WEE2: variants seen among roughly 807,000 people sequenced by gnomAD.
WEE2 encodes the protein wee1-like protein kinase 2.
In WEE2, 50 loss-of-function variants were observed where a neutral mutation model predicts 60.1. That is an observed-to-expected ratio of 0.83 (90% CI 0.66 to 1.05). WEE2 has a LOEUF of 1.05. Among genes scored for constraint, WEE2 ranks in the 50% least tolerant of loss-of-function variants. The pLI, the probability that WEE2 is intolerant of heterozygous loss-of-function variation, is 0.00. For synonymous variants in WEE2, 240 were observed against 241.0 expected, an observed-to-expected ratio of 1.00 and a Z score of 0.04; for missense variants, 631 against 684.3, an observed-to-expected ratio of 0.92 and a Z score of 0.87.
At chr7:141,716,392 C>T in intron 3 of WEE2, 125 bp downstream of exon 3, 1 of 862,256 alleles carries the variant, frequency 1.2e-6, no homozygotes, top group Non-Finnish European at 1.8e-6. Context: ...CCCTTTTCTC[C>T]TTCCTCACCC....
intron 5 of WEE2, among the ~76,000 whole-genome samples, chr7:141,722,933 G>A (rs879635402): frequency 3.3e-5 from 5 of 152,198 alleles, no homozygotes; most frequent in Admixed American, 6.5e-5. Flanking sequence ...TAATCTATTC[G>A]TTGGACTGAA....
Position 141,714,420 on chromosome 7 carries a change from A to ACAAAAGT in WEE2, c.539+16_539+17insAAAAGTC. The ACAAAAGT allele has an allele frequency of 6.3e-7, 1 of 1,588,812 alleles. No individual in the cohort carries two copies. The highest frequency in any genetic ancestry group is 1.4e-5 in the African/African-American group (1 of 73,882). On this transcript the variant is annotated intron_variant, in intron 2 of 11. Coordinates refer to ENST00000397541, the MANE Select transcript of WEE2 (RefSeq NM_001105558.1). ...AGAGGAGATCTGTAAGTGCTCTATT[A>ACAAAAGT]CTTATGACTTTTGAGAACTGACCCT...
intron 3 of WEE2, among the ~76,000 whole-genome samples, 169 bp downstream of exon 3, chr7:141,716,436 C>G (rs1229076367): frequency 6.7e-6 from 1 of 150,010 alleles, no homozygotes; most frequent in Non-Finnish European, 1.5e-5. Context: ...ACCCTCCCTC[C>G]CCTTCTTCTA....
chr7:141,709,130 C>A, intron 1 of WEE2, 30 bp downstream of exon 1: 1 of 1,587,132 alleles, frequency 6.3e-7, no homozygotes, highest in South Asian at 1.1e-5. Flanking sequence ...AAAAGGGACG[C>A]AGGTCGCCAA....
chr7:141,709,045 C>T lies in WEE2; in HGVS notation c.287C>T (p.Ala96Val), dbSNP rs780538178. 6.2e-7 allele frequency: 1 copy of T among 1,614,114 alleles called. No homozygotes were observed. Among genetic ancestry groups the T allele is most frequent in the Non-Finnish European group, 8.5e-7 (1 of 1,180,022 alleles). Residue 96 changes from alanine (A) to valine (V), a missense_variant, in exon 1 of 12, where the codon GCC becomes GTC. Physicochemically the swap from Ala to Val is moderately conservative, Grantham distance 64. Transcript: ENST00000397541. ...SHPLKCPETP[A>V]QPDSRSKLLP... ...CCTCTCAAATGTCCTGAGACACCAG[C>T]CCAACCAGACAGCAGGAGCAAGCTG...
chr7:141,729,564 C>T lies in WEE2; in HGVS notation c.1569C>T (p.Pro523=). 1 of 1,614,188 alleles carries T rather than the reference C, an allele frequency of 6.2e-7. No homozygotes were observed. The highest frequency in any genetic ancestry group is 8.5e-7 in the Non-Finnish European group (1 of 1,180,036). Residue 523 remains proline (P), a synonymous_variant, in exon 11 of 12, where the codon CCC becomes CCT. Coordinates refer to ENST00000397541, the MANE Select transcript of WEE2 (RefSeq NM_001105558.1). ...GAGAAGCCCAGCAGGCCCAGTCACC[C>T]CAGGGATATACCCATCATGGTGACA... ...ELREAQQAQS[P]QGYTHHGDTG... is the part of the protein sequence containing the mutation.
intron 1 of WEE2, among the ~76,000 whole-genome samples, chr7:141,712,683 A>T (rs113961215): frequency 0.011 from 1,658 of 152,252 alleles, 42 homozygotes; most frequent in African/African-American, 0.037. Context: ...GTCTTCCCTG[A>T]TATGAATAAT....
intron 6 of WEE2, among the ~76,000 whole-genome samples, chr7:141,723,611 G>C (rs745348284): frequency 7.2e-5 from 11 of 152,112 alleles, no homozygotes; most frequent in Non-Finnish European, 1.2e-4. Context: ...ACTCTGCACT[G>C]ATTAAAGAGA....
In WEE2 at chr7:141,714,364, A is replaced by G. The variant is rs1798761211; in HGVS notation, c.498A>G (p.Leu166=). ...TCACTCCAGAGTCCTATAAAAAATT[A>G]TTTCTTCAATCTGGTGGCAAGAGGA... is the stretch of plus-strand genomic sequence containing the variant. ...NPFTPESYKK[L]FLQSGGKRKI... is the part of the protein sequence containing the mutation. Residue 166 remains leucine (L), a synonymous_variant, in exon 2 of 12, where the codon TTA becomes TTG. Transcript: ENST00000397541. 1 of 1,611,998 alleles carries G rather than the reference A, an allele frequency of 6.2e-7. No homozygotes were observed. The highest frequency in any genetic ancestry group is 1.1e-5 in the South Asian group (1 of 90,604).
Position 141,730,339 on chromosome 7 carries a change from G to GC in WEE2, c.*22dup, listed in dbSNP as rs778518069. On this transcript the variant is annotated 3_prime_UTR_variant, in exon 12 of 12. Coordinates refer to ENST00000397541, the MANE Select transcript of WEE2 (RefSeq NM_001105558.1). ...GCATTAAAGGAAGAAAAGGAAAACA[G>GC]CCCTTGGTTTGGCCTATGGATTACG... 6.2e-7 allele frequency: 1 copy of GC among 1,612,308 alleles called. No individual in the cohort carries two copies. The highest frequency in any genetic ancestry group is 1.3e-5 in the African/African-American group (1 of 74,870).
Position 141,711,339 on chromosome 7 carries a change from T to A in WEE2, c.342+2239T>A, listed in dbSNP as rs962347107. 9.2e-5 allele frequency among the ~76,000 whole-genome samples: 14 copies of A among 152,128 alleles called. No homozygotes were observed. Among genetic ancestry groups the A allele is most frequent in the Admixed American group, 7.9e-4 (12 of 15,280 alleles). On this transcript the variant is annotated intron_variant, in intron 1 of 11. Transcript: ENST00000397541. The surrounding 1 kb of genome is among the most constrained non-coding windows in gnomAD (Gnocchi z 4.2). ...CAGTTAGAAATCTTGGATAATGCAT[T>A]TAAGGGAGAGGCAGAGAACAGGGCT...
At chr7:141,723,707 C>T (rs1412198153) in intron 6 of WEE2, among the ~76,000 whole-genome samples, 1 of 151,866 alleles carries the variant, frequency 6.6e-6, no homozygotes, top group Non-Finnish European at 1.5e-5. Context: ...ACTCTGATAC[C>T]AGTCCCATCA....
chr7:141,708,806 T>C lies in WEE2; in HGVS notation c.48T>C (p.Phe16=), dbSNP rs751662277. 6.8e-6 allele frequency: 11 copies of C among 1,614,130 alleles called. No individual in the cohort carries two copies. In the South Asian group the frequency reaches 1.2e-4, roughly 18 times the overall value. ...AAGAACTAAGGCAGAAATTAAACTT[T>C]TCCTATTGTGAGGAGACTGAGATTG... ...IDKELRQKLN[F]SYCEETEIEG... Residue 16 remains phenylalanine (F), a synonymous_variant, in exon 1 of 12, where the codon TTT becomes TTC. Coordinates refer to ENST00000397541, the MANE Select transcript of WEE2 (RefSeq NM_001105558.1).
chr7:141,721,173 G>C (rs764110973), intron 5 of WEE2, 117 bp downstream of exon 5: 2 of 1,229,904 alleles, frequency 1.6e-6, no homozygotes, highest in Admixed American at 1.9e-5. Context: ...TACCTAAAAA[G>C]TCTGTACTAT....
At position 141,711,433 on chromosome 7, in the gene WEE2, A is replaced by G. The variant is rs1194144149; in HGVS notation, c.342+2333A>G. ...GAAAACACAGTTTGCGTTAGAGGAA[A>G]GAGGCTTGATGGCTGATCATTGTTA... On this transcript the variant is annotated intron_variant, in intron 1 of 11. Coordinates refer to ENST00000397541, the MANE Select transcript of WEE2 (RefSeq NM_001105558.1). This position sits in a 1 kb window ranked among gnomAD's most constrained non-coding sequence, Gnocchi z 4.2. Among the ~76,000 whole-genome samples, 1 of 152,206 alleles carries G rather than the reference A, an allele frequency of 6.6e-6. No homozygotes were observed. The highest frequency in any genetic ancestry group is 1.5e-5 in the Non-Finnish European group (1 of 68,030).
In WEE2 at chr7:141,730,410, G is replaced by T; in HGVS notation, c.*90G>T. 8.3e-7 allele frequency: 1 copy of T among 1,207,402 alleles called. No individual in the cohort carries two copies. Among genetic ancestry groups the T allele is most frequent in the Non-Finnish European group, 1.2e-6 (1 of 828,422 alleles). The allele number at this position is 1,207,402 out of a possible 1,614,324, so 74.8% of individuals were successfully genotyped here. A position where few individuals can be genotyped will look rare whatever the true frequency, so the allele number is the denominator to read the frequency against. On this transcript the variant is annotated 3_prime_UTR_variant, in exon 12 of 12. Coordinates refer to ENST00000397541, the MANE Select transcript of WEE2 (RefSeq NM_001105558.1). Reference sequence around the variant, plus strand: ...CCACCAAAGATCCCAGGGACTCGTTGTACATAGAAAGGAATAGAATTTAGT... The same window carrying T: ...CCACCAAAGATCCCAGGGACTCGTTTTACATAGAAAGGAATAGAATTTAGT...
chr7:141,709,646 C>G (rs2117099492), intron 1 of WEE2, among the ~76,000 whole-genome samples: 1 of 152,304 alleles, frequency 6.6e-6, no homozygotes, highest in South Asian at 2.1e-4. Context: ...TGCTGCTCCT[C>G]CCAGAAACAA....
chr7:141,716,321 T>C, intron 3 of WEE2, 54 bp downstream of exon 3: 1 of 1,539,842 alleles, frequency 6.5e-7, no homozygotes, highest in Non-Finnish European at 8.9e-7. Context: ...TATCCTATTC[T>C]TTCTCTTCTT....
At position 141,716,251 on chromosome 7, in the gene WEE2, G is replaced by T; in HGVS notation, c.569G>T (p.Gly190Val). The change falls in exon 3 of 12, where the codon GGA becomes GTA. Residue 190 changes from glycine (G) to valine (V), a missense_variant. By Grantham distance (109) the Gly-to-Val change is moderately radical. Transcript: ENST00000397541. ...LEEAGPEEGK[G>V]GLPAKRCVLR... is the part of the protein sequence containing the mutation. The stretch of plus-strand genomic sequence containing the variant: ...GAAGCTGGTCCAGAGGAAGGCAAGG[G>T]AGGGCTGCCTGCCAAGGTAAGCGTA... The T allele has an allele frequency of 6.2e-7, 1 of 1,612,844 alleles. No individual in the cohort carries two copies. Among genetic ancestry groups the T allele is most frequent in the Non-Finnish European group, 8.5e-7 (1 of 1,179,440 alleles).
Sources: allele counts gnomAD v4.1 joint callset (sites outside exome capture counted in the v4.1 genomes callset), GRCh38; gene constraint gnomAD v4.1.1; non-coding constraint Gnocchi (gnomAD v3.1); transcripts MANE v1.5; gene names NCBI Gene and HGNC (gene_info 2026-07-23, HGNC 2026-07-21).